Variants in UBE2E2 observed in about 807,000 individuals in gnomAD.
UBE2E2 encodes ubiquitin conjugating enzyme E2 E2.
UBE2E2 carries 6 observed loss-of-function variants against 24.7 expected under a neutral mutation model. That is an observed-to-expected ratio of 0.24 (90% CI 0.13 to 0.48). The LOEUF (loss-of-function observed/expected upper bound fraction) is 0.48. UBE2E2 is among the 20% of genes least tolerant of loss of function. The pLI is 0.99. For synonymous variants in UBE2E2, 104 were observed against 83.6 expected (o/e 1.24, Z -1.33); for missense variants, 169 against 245.0 (o/e 0.69, Z 2.07).
intron 4 of UBE2E2, among the ~76,000 whole-genome samples, chr3:23,521,871 T>A (rs1694875287): frequency 1.3e-5 from 2 of 152,044 alleles, no homozygotes; most frequent in South Asian, 4.2e-4. Flanking sequence ...GGTTCTGGTT[T>A]TGATGGATCC....
intron 3 of UBE2E2, among the ~76,000 whole-genome samples, chr3:23,476,231 T>C (rs1183400304): frequency 6.6e-6 from 1 of 152,110 alleles, no homozygotes; most frequent in African/African-American, 2.4e-5. Context: ...TTTGTGGCCA[T>C]TGTTTTTGAA....
At chr3:23,282,528 G>C (rs996824434) in intron 3 of UBE2E2, among the ~76,000 whole-genome samples, 1 of 152,132 alleles carries the variant, frequency 6.6e-6, no homozygotes, top group Admixed American at 6.6e-5. Context: ...CAGCAAGTTT[G>C]TATTCACTTT....
At chr3:23,217,171 G>A in intron 2 of UBE2E2, 91 bp from the exon 3 acceptor site, 2 of 1,195,572 alleles carry the variant, frequency 1.7e-6, no homozygotes, top group Non-Finnish European at 2.4e-6. Flanking sequence ...TATACCAAAG[G>A]GAAATGTTAT....
intron 3 of UBE2E2, among the ~76,000 whole-genome samples, chr3:23,332,899 C>G (rs1346051259): frequency 6.6e-6 from 1 of 152,166 alleles, no homozygotes; most frequent in Non-Finnish European, 1.5e-5. Flanking sequence ...CTTGACACTT[C>G]TAAAAAGTGA....
chr3:23,503,440 T>A (rs1694336248), intron 4 of UBE2E2, among the ~76,000 whole-genome samples: 1 of 151,866 alleles, frequency 6.6e-6, no homozygotes, highest in Admixed American at 6.6e-5. Context: ...ATCCACCTGC[T>A]TCAGCCTCCC....
chr3:23,547,773 C>G (rs1695554833), intron 5 of UBE2E2, among the ~76,000 whole-genome samples: 1 of 152,198 alleles, frequency 6.6e-6, no homozygotes, highest in Non-Finnish European at 1.5e-5. Context: ...GTAGAGATCC[C>G]CATGTGGCTG....
At chr3:23,212,489 T>G (rs1169142405) in intron 2 of UBE2E2, among the ~76,000 whole-genome samples, 1 of 152,186 alleles carries the variant, frequency 6.6e-6, no homozygotes, top group African/African-American at 2.4e-5. Flanking sequence ...TTTTACGGGT[T>G]GATACATCTG....
chr3:23,584,515 T>A (rs961847326), intron 5 of UBE2E2, among the ~76,000 whole-genome samples: 4 of 151,678 alleles, frequency 2.6e-5, no homozygotes, highest in African/African-American at 9.7e-5. Flanking sequence ...ATACCACAGA[T>A]CTCAAAAAAT....
intron 3 of UBE2E2, among the ~76,000 whole-genome samples, chr3:23,335,271 G>C (rs1363353772): frequency 6.6e-6 from 1 of 152,092 alleles, no homozygotes; most frequent in Non-Finnish European, 1.5e-5. Context: ...ATATGGTAAA[G>C]ACGAAGAAAA....
intron 3 of UBE2E2, among the ~76,000 whole-genome samples, chr3:23,227,700 A>G (rs945909064): frequency 3.3e-5 from 5 of 152,190 alleles, no homozygotes; most frequent in Non-Finnish European, 7.3e-5. Context: ...GCGTGTACTA[A>G]GTGACTAGAA....
chr3:23,221,693 A>G (rs188985523), intron 3 of UBE2E2, among the ~76,000 whole-genome samples: 36 of 151,754 alleles, frequency 2.4e-4, no homozygotes, highest in East Asian at 7.8e-4. Flanking sequence ...CTAGAGTGCA[A>G]TGGCGTGATC....
chr3:23,439,827 G>T (rs1276758419), intron 3 of UBE2E2, among the ~76,000 whole-genome samples: 1 of 152,070 alleles, frequency 6.6e-6, no homozygotes, highest in Non-Finnish European at 1.5e-5. Context: ...GTACCATAGT[G>T]CTGTCCATTA....
chr3:23,252,047 G>A (rs959919213), intron 3 of UBE2E2, among the ~76,000 whole-genome samples: 11 of 152,120 alleles, frequency 7.2e-5, no homozygotes, highest in African/African-American at 2.4e-4. Context: ...ATTTTTGATT[G>A]TAGTAAGCTT....
At chr3:23,501,048 A>T (rs1187704274) in intron 4 of UBE2E2, among the ~76,000 whole-genome samples, 4 of 151,844 alleles carry the variant, frequency 2.6e-5, no homozygotes, top group Non-Finnish European at 4.4e-5. Flanking sequence ...ACTGGATGGG[A>T]CCCTTATACC....
intron 3 of UBE2E2, among the ~76,000 whole-genome samples, chr3:23,282,374 G>C (rs1698508472): frequency 6.6e-6 from 1 of 152,132 alleles, no homozygotes; most frequent in South Asian, 2.1e-4. Context: ...ATAAAATTGT[G>C]TATCAGTTTC....
chr3:23,297,234 A>G (rs915098725), intron 3 of UBE2E2, among the ~76,000 whole-genome samples: 4 of 151,942 alleles, frequency 2.6e-5, no homozygotes. Flanking sequence ...AGTAGGTTGC[A>G]AAAATTTTCT....
Position 23,226,069 on chromosome 3 carries a change from G to A in UBE2E2, c.227+8757G>A, listed in dbSNP as rs182372700. 3.6e-3 allele frequency among the ~76,000 whole-genome samples: 549 copies of A among 152,090 alleles called. 1 individual carries two copies. The highest frequency in any genetic ancestry group is 5.8e-3 in the Non-Finnish European group (395 of 67,994). ...TAATGTTTGTACTTTTAGTAGAGAC[G>A]GGTTTCACCATGTTGGCCAGACTGG... On this transcript the variant is annotated intron_variant, in intron 3 of 5. Coordinates refer to ENST00000396703, the MANE Select transcript of UBE2E2 (RefSeq NM_152653.4).
At chr3:23,307,455 AT>A (rs1220476002) in intron 3 of UBE2E2, among the ~76,000 whole-genome samples, 1 of 152,080 alleles carries the variant, frequency 6.6e-6, no homozygotes, top group African/African-American at 2.4e-5. Flanking sequence ...CTCCATAATG[AT>A]GTATTTATGA....
intron 2 of UBE2E2, among the ~76,000 whole-genome samples, chr3:23,214,826 CT>C (rs1409515013): frequency 2.6e-5 from 4 of 151,934 alleles, no homozygotes; most frequent in Non-Finnish European, 4.4e-5. Flanking sequence ...TATCCACCCC[CT>C]GCCCCTAGTT....
Sources: allele counts gnomAD v4.1 joint callset (sites outside exome capture counted in the v4.1 genomes callset), GRCh38; gene constraint gnomAD v4.1.1; transcripts MANE v1.5; gene names NCBI Gene and HGNC (gene_info 2026-07-23, HGNC 2026-07-21).